The following SHROOM3 variants were observed in gnomAD, a reference collection of about 807,000 sequenced individuals.
The protein encoded by SHROOM3 is protein Shroom3.
SHROOM3 carries 47 observed loss-of-function variants against 138.6 expected under a neutral mutation model. That is an observed-to-expected ratio of 0.34 (90% CI 0.27 to 0.43). The LOEUF is 0.43. Ranked by LOEUF, SHROOM3 falls within the 20% of genes least tolerant of loss-of-function variation. SHROOM3 has a pLI of 1.00. For missense variants in SHROOM3, 2,491 were observed against 2,596.5 expected (o/e 0.96, Z 0.88); for synonymous variants, 1,062 against 1,063.3 (o/e 1.00, Z 0.02).
At chr4:76,496,709 T>G (rs895135941) in intron 1 of SHROOM3, among the ~76,000 whole-genome samples, 2 of 152,178 alleles carry the variant, frequency 1.3e-5, no homozygotes, top group Non-Finnish European at 1.5e-5. Context: ...AGCAGTTTGA[T>G]GTAGTAGACA....
chr4:76,650,535 T>TTATA (rs1422561370), intron 2 of SHROOM3, among the ~76,000 whole-genome samples: 134 of 148,528 alleles, frequency 9.0e-4, no homozygotes, highest in Middle Eastern at 3.5e-3. Flanking sequence ...ATTTATTTAT[T>TTATA]TATTTATTTA....
chr4:76,741,224 G>A lies in SHROOM3; in HGVS notation c.3051G>A (p.Lys1017=), dbSNP rs1293391475. ...ARRRLTPEQK[K]RSYSEPEKMN... Reference sequence around the variant, plus strand: ...GGCGCCTGACTCCCGAGCAGAAGAAGCGCTCCTACTCGGAGCCCGAGAAGA... The same window carrying A: ...GGCGCCTGACTCCCGAGCAGAAGAAACGCTCCTACTCGGAGCCCGAGAAGA... Residue 1017 remains lysine, a synonymous_variant, in exon 5 of 11, where the codon AAG becomes AAA. Transcript: ENST00000296043. The surrounding 1 kb of genome is among the most constrained non-coding windows in gnomAD (Gnocchi z 6.2). The A allele has an allele frequency of 3.7e-6, 6 of 1,610,150 alleles. No homozygotes were observed. In the African/African-American group the frequency reaches 6.7e-5, roughly 18 times the overall value.
At chr4:76,676,476 T>C (rs1367150444) in intron 2 of SHROOM3, among the ~76,000 whole-genome samples, 1 of 152,062 alleles carries the variant, frequency 6.6e-6, no homozygotes, top group Admixed American at 6.6e-5. Flanking sequence ...AAGGCTATAG[T>C]AGATGATTGA....
At chr4:76,559,566 G>T (rs1733557519) in intron 2 of SHROOM3, 2 of 152,074 alleles carry the variant, frequency 1.3e-5, no homozygotes, top group African/African-American at 4.8e-5. Context: ...CATTTGTGTA[G>T]TCAAAATGTA....
rs1244398748 is a variant in SHROOM3 at position 76,782,619 on chromosome 4, A to C, written c.*3442A>C. 2 of 152,282 alleles carry C rather than the reference A, an allele frequency of 1.3e-5. No individual in the cohort carries two copies. Among genetic ancestry groups the C allele is most frequent in the East Asian group, 3.9e-4 (2 of 5,190 alleles). 9.4% of individuals were successfully genotyped at this position (152,282 alleles called of 1,614,324 possible). A position where few individuals can be genotyped will look rare whatever the true frequency, so the allele number is the denominator to read the frequency against. On this transcript the variant is annotated 3_prime_UTR_variant, in exon 11 of 11. Transcript: ENST00000296043. The stretch of plus-strand genomic sequence containing the variant: ...TTCCAAATTTACTTCTCTTCAGTTT[A>C]ATTGTCCATGGTAGTGCTGGCTTCA...
chr4:76,761,474 ACTACCACATTTTATG>A lies in SHROOM3; in HGVS notation c.5349+1783_5349+1797del, dbSNP rs1184540970. ...TGCACAAAACTCCTCTGACACTTGT[ACTACCACATTTTATG>A]CTAATCAGAATTAGAGAATTTAAGG... On this transcript the variant is annotated intron_variant, in intron 9 of 10. Coordinates refer to ENST00000296043, the MANE Select transcript of SHROOM3 (RefSeq NM_020859.4). 2.0e-5 allele frequency among the ~76,000 whole-genome samples: 3 copies of A among 152,322 alleles called. No individual in the cohort carries two copies. In the East Asian group the frequency reaches 5.8e-4, roughly 29 times the overall value.
chr4:76,738,173 C>T (rs1721132856), intron 4 of SHROOM3, among the ~76,000 whole-genome samples: 1 of 152,118 alleles, frequency 6.6e-6, no homozygotes, highest in Non-Finnish European at 1.5e-5. Flanking sequence ...ACTCTAATTT[C>T]TCTCATTCAG....
chr4:76,534,318 A>G (rs1443098645), intron 1 of SHROOM3, among the ~76,000 whole-genome samples: 1 of 152,208 alleles, frequency 6.6e-6, no homozygotes, highest in African/African-American at 2.4e-5. Flanking sequence ...TTGGGGGCAG[A>G]TGGGACCTTC....
intron 1 of SHROOM3, among the ~76,000 whole-genome samples, chr4:76,469,696 G>A (rs28363854): frequency 0.051 from 7,832 of 152,226 alleles, 251 homozygotes; most frequent in African/African-American, 0.083. Flanking sequence ...AGCTCAGGCA[G>A]TCGACCTGCC....
chr4:76,612,121 G>A (rs781770876), intron 2 of SHROOM3, among the ~76,000 whole-genome samples: 2 of 152,086 alleles, frequency 1.3e-5, no homozygotes. Context: ...AGGGAATTCT[G>A]CCTTTTGATT....
intron 10 of SHROOM3, among the ~76,000 whole-genome samples, chr4:76,776,860 T>C (rs2109798762): frequency 6.6e-6 from 1 of 152,336 alleles, no homozygotes; most frequent in African/African-American, 2.4e-5. Flanking sequence ...TAGGGTGACC[T>C]TTCTTCACTT....
At chr4:76,497,338 T>C (rs1731989022) in intron 1 of SHROOM3, among the ~76,000 whole-genome samples, 1 of 152,158 alleles carries the variant, frequency 6.6e-6, no homozygotes, top group African/African-American at 2.4e-5. Context: ...TCTTTCTAAG[T>C]AAAAAATAAT....
At chr4:76,687,858 T>C (rs1374979121) in intron 2 of SHROOM3, among the ~76,000 whole-genome samples, 1 of 152,168 alleles carries the variant, frequency 6.6e-6, no homozygotes, top group Non-Finnish European at 1.5e-5. Flanking sequence ...TGTTCCACCC[T>C]TATGAGATTT....
In SHROOM3 at chr4:76,456,032, G is replaced by C. The variant is rs111531346; in HGVS notation, c.168+19812G>C. On this transcript the variant is annotated intron_variant, in intron 1 of 10. Coordinates refer to ENST00000296043, the MANE Select transcript of SHROOM3 (RefSeq NM_020859.4). Reference sequence around the variant, plus strand: ...TTATTTTTTAATTTTTTTTGAGACAGAGTCTCACTCTGTCAGCAGGCTGGA... The same window carrying C: ...TTATTTTTTAATTTTTTTTGAGACACAGTCTCACTCTGTCAGCAGGCTGGA... Among the ~76,000 whole-genome samples, 108 of 152,150 alleles carry C rather than the reference G, an allele frequency of 7.1e-4. 1 individual carries two copies. Among genetic ancestry groups the C allele is most frequent in the African/African-American group, 2.6e-3 (106 of 41,494 alleles).
chr4:76,745,757 G>A (rs939655568), intron 5 of SHROOM3, among the ~76,000 whole-genome samples: 4 of 152,240 alleles, frequency 2.6e-5, no homozygotes, highest in Non-Finnish European at 5.9e-5. Context: ...GAGGTGGCTA[G>A]ATTGCTTGAG....
intron 1 of SHROOM3, among the ~76,000 whole-genome samples, chr4:76,508,008 C>G (rs1353395976): frequency 6.6e-6 from 1 of 152,170 alleles, no homozygotes; most frequent in African/African-American, 2.4e-5. Context: ...CTCCCATTAT[C>G]AGGGTTGTTT....
intron 2 of SHROOM3, among the ~76,000 whole-genome samples, chr4:76,650,443 C>T (rs1429303143): frequency 6.6e-6 from 1 of 152,086 alleles, no homozygotes; most frequent in Non-Finnish European, 1.5e-5. Flanking sequence ...AGGGTATATA[C>T]CTCAAAGAGA....
chr4:76,646,230 ATATATATAT>A, intron 2 of SHROOM3, among the ~76,000 whole-genome samples: 1 of 139,800 alleles, frequency 7.2e-6, no homozygotes, highest in East Asian at 2.1e-4. Context: ...AAATAAATAT[ATATATATAT>A]ATATATATAA....
At chr4:76,557,080 T>A (rs1733499398) in intron 2 of SHROOM3, among the ~76,000 whole-genome samples, 1 of 152,162 alleles carries the variant, frequency 6.6e-6, no homozygotes, top group Non-Finnish European at 1.5e-5. Flanking sequence ...TTGGCCAAAT[T>A]ACTTAACCTC....
Sources: allele counts gnomAD v4.1 joint callset (sites outside exome capture counted in the v4.1 genomes callset), GRCh38; gene constraint gnomAD v4.1.1; non-coding constraint Gnocchi (gnomAD v3.1); transcripts MANE v1.5; gene names NCBI Gene and HGNC (gene_info 2026-07-23, HGNC 2026-07-21).